MUCL1: variants seen among roughly 807,000 people sequenced by gnomAD.
MUCL1 encodes mucin-like protein 1.
Under a neutral mutation model 9.2 loss-of-function variants are expected in MUCL1, and 11 were observed. The ratio of observed to expected loss-of-function variants is 1.19; its 90% CI spans 0.75 to 1.97. The LOEUF is 1.97. Ranked by LOEUF, MUCL1 falls within the 30% of genes most tolerant of loss-of-function variation. MUCL1 has a pLI of 0.00. For missense variants in MUCL1, 144 were observed against 110.9 expected (o/e 1.30, Z -1.34); for synonymous variants, 48 against 40.5 (o/e 1.19, Z -0.71).
intron 1 of MUCL1, chr12:54,830,944 G>T (rs1261334220): frequency 1.3e-5 from 2 of 152,178 alleles, no homozygotes; most frequent in Non-Finnish European, 2.9e-5. Flanking sequence ...ACTTCCCTAA[G>T]ATGACAAAGA....
chr12:54,838,748 G>A (rs1959198211), upstream of MUCL1, among the ~76,000 whole-genome samples: 1 of 151,984 alleles, frequency 6.6e-6, no homozygotes, highest in African/African-American at 2.4e-5. Context: ...TTCCCTAAAT[G>A]TGTCTTTCAT....
At chr12:54,839,575 T>G (rs1389182652) in intron 1 of MUCL1, 1 of 688,012 alleles carries the variant, frequency 1.5e-6, no homozygotes, top group Non-Finnish European at 2.7e-6. Context: ...CATCCTCCTG[T>G]CAAGTCGCAG....
At chr12:54,837,394 A>C (rs1243275745), upstream of MUCL1, among the ~76,000 whole-genome samples, 1 of 152,050 alleles carries the variant, frequency 6.6e-6, no homozygotes, top group Non-Finnish European at 1.5e-5. Flanking sequence ...TATCTGATAT[A>C]AGAATAGCTA....
chr12:54,857,420 G>A (rs1323871959), intron 3 of MUCL1, among the ~76,000 whole-genome samples: 1 of 151,930 alleles, frequency 6.6e-6, no homozygotes, highest in African/African-American at 2.4e-5. Context: ...GTATTTCTGG[G>A]GTTTTGGACA....
upstream of MUCL1, among the ~76,000 whole-genome samples, chr12:54,853,308 A>G (rs1263953846): frequency 6.6e-6 from 1 of 152,188 alleles, no homozygotes; most frequent in Non-Finnish European, 1.5e-5. Context: ...AGTTGGGTCC[A>G]GCACTTGATT....
chr12:54,856,994 C>T, intron 3 of MUCL1, 102 bp downstream of exon 3: 1 of 1,507,432 alleles, frequency 6.6e-7, no homozygotes, highest in Non-Finnish European at 9.0e-7. Flanking sequence ...AGGGAGACCT[C>T]TTCTTTACAT....
At position 54,856,752 on chromosome 12, in the gene MUCL1, T is replaced by C. The variant is rs1384320488; in HGVS notation, c.101-18T>C. On this transcript the variant is annotated intron_variant, in intron 2 of 3. Coordinates refer to ENST00000308796, the MANE Select transcript of MUCL1 (RefSeq NM_058173.3). ...AGAAGGAGTCAGTCTCACCTAGAGCTTTTCCTTCTAATTTCAGCTGGTCCT... is the reference window on the plus strand; with the variant it reads ...AGAAGGAGTCAGTCTCACCTAGAGCCTTTCCTTCTAATTTCAGCTGGTCCT... The C allele has an allele frequency of 1.1e-5, 18 of 1,597,304 alleles. No homozygotes were observed. The highest frequency in any genetic ancestry group is 1.4e-5 in the Non-Finnish European group (16 of 1,171,546).
chr12:54,838,860 C>T (rs1410353166), upstream of MUCL1, among the ~76,000 whole-genome samples: 2 of 151,916 alleles, frequency 1.3e-5, no homozygotes, highest in Non-Finnish European at 2.9e-5. Flanking sequence ...TGTTGGGTTT[C>T]ACCTTTCTCT....
chr12:54,846,465 AT>A (rs1312137413), intron 1 of MUCL1, among the ~76,000 whole-genome samples: 1 of 152,082 alleles, frequency 6.6e-6, no homozygotes, highest in African/African-American at 2.4e-5. Context: ...CATTCTTCTG[AT>A]TGTTTCACTT....
intron 1 of MUCL1, among the ~76,000 whole-genome samples, chr12:54,841,866 C>T (rs1378744871): frequency 6.6e-6 from 1 of 151,942 alleles, no homozygotes; most frequent in East Asian, 1.9e-4. Context: ...GGTATCATAC[C>T]CAAAAAATTA....
At chr12:54,855,319 A>G in intron 2 of MUCL1, 162 bp downstream of exon 2, 1 of 629,866 alleles carries the variant, frequency 1.6e-6, no homozygotes, top group Non-Finnish European at 2.9e-6. Context: ...CACCACAAAC[A>G]TAGTGAATCT....
intron 1 of MUCL1, among the ~76,000 whole-genome samples, chr12:54,832,990 T>G (rs564743807): frequency 6.6e-6 from 1 of 152,276 alleles, no homozygotes; most frequent in African/African-American, 2.4e-5. Context: ...CATCAGATCT[T>G]TAACCTGGAT....
intron 3 of MUCL1, among the ~76,000 whole-genome samples, chr12:54,857,526 G>A (rs779882840): frequency 6.6e-6 from 1 of 151,840 alleles, no homozygotes; most frequent in Non-Finnish European, 1.5e-5. Flanking sequence ...TTATTCAATC[G>A]GAACATATGC....
chr12:54,834,024 C>A (rs963895871), intron 1 of MUCL1, among the ~76,000 whole-genome samples: 1 of 151,802 alleles, frequency 6.6e-6, no homozygotes, highest in Non-Finnish European at 1.5e-5. Context: ...TATAACTATA[C>A]CCTCTGAATG....
upstream of MUCL1, among the ~76,000 whole-genome samples, chr12:54,851,864 T>C (rs962687314): frequency 2.0e-5 from 3 of 151,962 alleles, no homozygotes; most frequent in Non-Finnish European, 4.4e-5. Flanking sequence ...TATACACCAA[T>C]AACAGACAGA....
chr12:54,854,843 C>A (rs1868287408), intron 1 of MUCL1, among the ~76,000 whole-genome samples: 1 of 152,106 alleles, frequency 6.6e-6, no homozygotes, highest in Non-Finnish European at 1.5e-5. Context: ...TTCAATAATA[C>A]CTTGGAACCC....
intron 1 of MUCL1, among the ~76,000 whole-genome samples, chr12:54,842,067 C>T (rs971335705): frequency 5.3e-5 from 8 of 152,034 alleles, no homozygotes; most frequent in African/African-American, 1.9e-4. Context: ...AAAACAAATT[C>T]CCTACAATTT....
chr12:54,850,316 C>A (rs1435907009), upstream of MUCL1, among the ~76,000 whole-genome samples: 1 of 141,248 alleles, frequency 7.1e-6, no homozygotes, highest in Non-Finnish European at 1.5e-5. Context: ...CCCCTCCCCC[C>A]ACCCCACCAC....
intron 1 of MUCL1, among the ~76,000 whole-genome samples, chr12:54,832,832 G>T (rs748585512): frequency 6.6e-6 from 1 of 152,016 alleles, no homozygotes; most frequent in Non-Finnish European, 1.5e-5. Flanking sequence ...GGTTACATTT[G>T]TATAGGTAAA....
Sources: allele counts gnomAD v4.1 joint callset (sites outside exome capture counted in the v4.1 genomes callset), GRCh38; gene constraint gnomAD v4.1.1; transcripts MANE v1.5; gene names NCBI Gene and HGNC (gene_info 2026-07-23, HGNC 2026-07-21).